GABRA2: variants seen among roughly 807,000 people sequenced by gnomAD.
The protein encoded by GABRA2 is gamma-aminobutyric acid receptor subunit alpha-2.
GABRA2 carries 16 observed loss-of-function variants against 48.7 expected under a neutral mutation model. The ratio of observed to expected loss-of-function variants is 0.33; its 90% CI spans 0.22 to 0.50. GABRA2 has a LOEUF of 0.50. Among genes scored for constraint, GABRA2 ranks in the 20% least tolerant of loss-of-function variants. GABRA2 has a pLI of 0.98. For missense variants in GABRA2, 275 were observed against 535.6 expected (o/e 0.51, Z 4.80); for synonymous variants, 185 against 184.5 (o/e 1.00, Z -0.02).
chr4:46,372,663 T>G (rs561753862), intron 3 of GABRA2, among the ~76,000 whole-genome samples: 1 of 152,310 alleles, frequency 6.6e-6, no homozygotes, highest in East Asian at 1.9e-4. Context: ...AAGGCTACTA[T>G]GATAATTCTT....
intron 4 of GABRA2, among the ~76,000 whole-genome samples, chr4:46,313,292 A>G (rs962858369): frequency 2.0e-5 from 3 of 151,910 alleles, no homozygotes; most frequent in Non-Finnish European, 2.9e-5. Flanking sequence ...GTTGCCAAAG[A>G]AACTGTAAAT....
At chr4:46,288,183 A>G (rs1722922816) in intron 8 of GABRA2, among the ~76,000 whole-genome samples, 1 of 152,336 alleles carries the variant, frequency 6.6e-6, no homozygotes, top group South Asian at 2.1e-4. Context: ...CAGCCAAACC[A>G]TATCAACGAC....
intron 1 of GABRA2, chr4:46,389,454 G>A: frequency 1.0e-6 from 1 of 958,108 alleles, no homozygotes; most frequent in Non-Finnish European, 1.2e-6. Flanking sequence ...CAGCCAGGCA[G>A]GCAGCGGTAA....
In GABRA2 at chr4:46,249,566, T is replaced by A. The variant is rs199619736; in HGVS notation, c.*742A>T. The A allele has an allele frequency of 1.3e-5, 2 of 151,450 alleles. No individual in the cohort carries two copies. The highest frequency in any genetic ancestry group is 3.0e-5 in the Non-Finnish European group (2 of 67,656). 9.4% of individuals were successfully genotyped at this position (151,450 alleles called of 1,614,324 possible). ...AAGACACATTTCTTTTCTTTTTTTT[T>A]AATTAAGGTAGTTTCCAATGATTAA... On this transcript the variant is annotated 3_prime_UTR_variant, in exon 10 of 10. Coordinates refer to ENST00000381620, the MANE Select transcript of GABRA2 (RefSeq NM_000807.4).
chr4:46,283,556 C>A (rs937357316), intron 8 of GABRA2, among the ~76,000 whole-genome samples: 1 of 152,180 alleles, frequency 6.6e-6, no homozygotes, highest in Admixed American at 6.5e-5. Context: ...TCAGGGCTAT[C>A]TGTAGAACTA....
At chr4:46,284,137 T>C (rs1481769516) in intron 8 of GABRA2, among the ~76,000 whole-genome samples, 1 of 151,576 alleles carries the variant, frequency 6.6e-6, no homozygotes, top group African/African-American at 2.4e-5. Flanking sequence ...AAAATACAAG[T>C]TCATAATTCA....
At chr4:46,255,759 G>A (rs761953036) in intron 9 of GABRA2, among the ~76,000 whole-genome samples, 28 of 151,304 alleles carry the variant, frequency 1.9e-4, no homozygotes, top group Admixed American at 1.1e-3. Flanking sequence ...GGAAAAACCC[G>A]GATTACAGAA....
chr4:46,315,091 C>G (rs754848350), intron 4 of GABRA2, among the ~76,000 whole-genome samples: 2 of 150,654 alleles, frequency 1.3e-5, no homozygotes, highest in Admixed American at 6.6e-5. Context: ...GCTGAACTAA[C>G]TTACATTCCC....
chr4:46,342,194 A>T (rs921040478), intron 3 of GABRA2, among the ~76,000 whole-genome samples: 25 of 152,106 alleles, frequency 1.6e-4, no homozygotes, highest in African/African-American at 6.0e-4. Flanking sequence ...GCGTTTAACA[A>T]GCTTAGGACA....
intron 9 of GABRA2, chr4:46,260,670 A>T (rs955306892): frequency 6.6e-6 from 1 of 151,918 alleles, no homozygotes; most frequent in African/African-American, 2.4e-5. Flanking sequence ...AGATACCATG[A>T]AAAAGCAGTA....
At chr4:46,335,398 T>A (rs538124278) in intron 3 of GABRA2, among the ~76,000 whole-genome samples, 1 of 152,276 alleles carries the variant, frequency 6.6e-6, no homozygotes, top group African/African-American at 2.4e-5. Context: ...CAAGTTAATT[T>A]ACAGTCTGGT....
chr4:46,298,598 A>T (rs1285447642), intron 8 of GABRA2, among the ~76,000 whole-genome samples: 1 of 151,990 alleles, frequency 6.6e-6, no homozygotes, highest in African/African-American at 2.4e-5. Flanking sequence ...TATTTATCAT[A>T]TATTTTATAG....
At chr4:46,273,620 G>A (rs560667152) in intron 8 of GABRA2, among the ~76,000 whole-genome samples, 19 of 150,996 alleles carry the variant, frequency 1.3e-4, no homozygotes, top group Non-Finnish European at 2.5e-4. Flanking sequence ...ACCATTCTCC[G>A]GAGTGAGAAG....
At chr4:46,382,525 A>G (rs1716900075) in intron 3 of GABRA2, among the ~76,000 whole-genome samples, 3 of 152,102 alleles carry the variant, frequency 2.0e-5, no homozygotes, top group Non-Finnish European at 4.4e-5. Context: ...CAAGAAATAA[A>G]TCCAACTTTT....
intron 3 of GABRA2, among the ~76,000 whole-genome samples, chr4:46,374,836 CA>C (rs33925896): frequency 0.25 from 38,156 of 150,694 alleles, 5,157 homozygotes; most frequent in African/African-American, 0.32. Flanking sequence ...TGCTTCTATA[CA>C]AAAAAAAATG....
intron 8 of GABRA2, among the ~76,000 whole-genome samples, chr4:46,267,507 T>C (rs1718493519): frequency 6.6e-6 from 1 of 151,996 alleles, no homozygotes; most frequent in South Asian, 2.1e-4. Flanking sequence ...GGTTATAGCT[T>C]CTCTTTATTT....
intron 8 of GABRA2, among the ~76,000 whole-genome samples, chr4:46,263,377 T>G (rs778732859): frequency 6.6e-6 from 1 of 152,052 alleles, no homozygotes; most frequent in East Asian, 1.9e-4. Flanking sequence ...TACCAGTGAG[T>G]CTTTGGTCCA....
chr4:46,363,901 A>C (rs938318987), intron 3 of GABRA2: 5 of 152,190 alleles, frequency 3.3e-5, no homozygotes, highest in Admixed American at 3.3e-4. Flanking sequence ...ACTTTTCCAT[A>C]GCAATTTTAA....
At chr4:46,263,604 C>T (rs1717497074) in intron 8 of GABRA2, among the ~76,000 whole-genome samples, 1 of 152,100 alleles carries the variant, frequency 6.6e-6, no homozygotes. Flanking sequence ...TATCCTTAGT[C>T]AAGTTTTACA....
Sources: gnomAD v4.1 joint callset for allele counts (sites outside exome capture counted in the v4.1 genomes callset) on GRCh38, gnomAD v4.1.1 for gene constraint, MANE v1.5 for transcripts, NCBI Gene and HGNC (gene_info 2026-07-23, HGNC 2026-07-21) for gene names.